The following NTNG1 variants were observed in gnomAD, a reference collection of about 807,000 sequenced individuals.
The protein encoded by NTNG1 is netrin G1, also known as netrin-G1.
NTNG1 carries 16 observed loss-of-function variants against 54.0 expected under a neutral mutation model. The observed-to-expected ratio is 0.30, with a 90% confidence interval of 0.20 to 0.45. The LOEUF is 0.45. Among genes scored for constraint, NTNG1 ranks in the 20% least tolerant of loss-of-function variants. The pLI is 1.00. For missense variants in NTNG1, 530 were observed against 678.7 expected (o/e 0.78, Z 2.43); for synonymous variants, 255 against 263.1 (o/e 0.97, Z 0.30).
intron 7 of NTNG1, among the ~76,000 whole-genome samples, chr1:107,467,491 C>A (rs1001094543): frequency 2.0e-5 from 3 of 152,174 alleles, no homozygotes; most frequent in Non-Finnish European, 4.4e-5. Context: ...AATGACCTCT[C>A]ATGTTCACAA....
At chr1:107,221,606 T>A (rs994700292) in intron 2 of NTNG1, among the ~76,000 whole-genome samples, 11 of 152,156 alleles carry the variant, frequency 7.2e-5, no homozygotes, top group Admixed American at 2.0e-4. Context: ...ATGTACAGTG[T>A]ATAATTTCTT....
chr1:107,455,422 A>G (rs1392286718), intron 7 of NTNG1, among the ~76,000 whole-genome samples: 2 of 152,254 alleles, frequency 1.3e-5, no homozygotes, highest in Non-Finnish European at 2.9e-5. Context: ...CAGTAGCCTA[A>G]TGTGGTGCTC....
rs79058478 is a variant in NTNG1 at position 107,332,215 on chromosome 1, A to G, written c.887+7293A>G. ...TTATAAGGAGAGAATGTATCTAATA[A>G]TTCCTCCATTTAAATTATGAAATTC... On this transcript the variant is annotated intron_variant, in intron 3 of 7. Coordinates refer to ENST00000370068, the MANE Select transcript of NTNG1 (RefSeq NM_001113226.3). Among the ~76,000 whole-genome samples the G allele has an allele frequency of 7.0e-3, 1,066 of 152,178 alleles. 14 individuals are homozygous for G. Among genetic ancestry groups the G allele is most frequent in the African/African-American group, 0.024 (999 of 41,542 alleles).
At chr1:107,276,583 G>A (rs993359277) in intron 2 of NTNG1, among the ~76,000 whole-genome samples, 4 of 152,114 alleles carry the variant, frequency 2.6e-5, no homozygotes, top group Non-Finnish European at 5.9e-5. Flanking sequence ...ATAACACTGG[G>A]TATCTACTTC....
upstream of NTNG1, among the ~76,000 whole-genome samples, chr1:107,140,440 T>G (rs943424679): frequency 6.0e-5 from 9 of 149,542 alleles, no homozygotes; most frequent in Non-Finnish European, 1.2e-4. Context: ...GGGCGGGGAG[T>G]CCGGGAGCCG....
rs1029920187 is a variant in NTNG1 at position 107,416,953 on chromosome 1, C to T, written c.1087+9245C>T. Among the ~76,000 whole-genome samples, 4 of 152,042 alleles carry T rather than the reference C, an allele frequency of 2.6e-5. No homozygotes were observed. In the South Asian group the frequency reaches 8.3e-4, roughly 31 times the overall value. ...TAAAACCACACCAATACTTTGAAAG[C>T]TTTATTAAATAAAACAATTTCTGGG... On this transcript the variant is annotated intron_variant, in intron 5 of 7. Coordinates refer to ENST00000370068, the MANE Select transcript of NTNG1 (RefSeq NM_001113226.3).
intron 2 of NTNG1, among the ~76,000 whole-genome samples, chr1:107,255,808 C>T (rs1209459852): frequency 6.6e-6 from 1 of 152,126 alleles, no homozygotes; most frequent in Non-Finnish European, 1.5e-5. Context: ...AAAATGAGCC[C>T]TGTTTTTCAT....
In NTNG1 at chr1:107,462,287, A is replaced by G. The variant is rs141356244; in HGVS notation, c.1391-18324A>G. Among the ~76,000 whole-genome samples, 45 of 152,306 alleles carry G rather than the reference A, an allele frequency of 3.0e-4. No homozygotes were observed. The East Asian group carries it at 8.1e-3, about 27-fold the overall frequency. On this transcript the variant is annotated intron_variant, in intron 7 of 7. Transcript: ENST00000370068. Reference sequence around the variant, plus strand: ...TATAGACCTCGAACAGAACATAATGATCAGGAAAAATAGCAAAGTAATTAA... The same window carrying G: ...TATAGACCTCGAACAGAACATAATGGTCAGGAAAAATAGCAAAGTAATTAA...
In NTNG1 at chr1:107,209,662, G is replaced by T. The variant is rs377653045; in HGVS notation, c.246+60823G>T. 7.2e-5 allele frequency among the ~76,000 whole-genome samples: 11 copies of T among 152,270 alleles called. No individual in the cohort carries two copies. In the East Asian group the frequency reaches 1.9e-3, roughly 27 times the overall value. On this transcript the variant is annotated intron_variant, in intron 2 of 7. Transcript: ENST00000370068. ...ATGACCTTAGTTGGGCCAATTGAAG[G>T]TATTCCCCTAGAATTTTCCTAAGAA...
chr1:107,365,410 C>A (rs1670534679), intron 3 of NTNG1, among the ~76,000 whole-genome samples: 1 of 152,106 alleles, frequency 6.6e-6, no homozygotes. Context: ...TCTTTCTTGG[C>A]ACTCCAGGGC....
chr1:107,378,288 A>T (rs955017103), intron 3 of NTNG1, among the ~76,000 whole-genome samples: 3 of 152,178 alleles, frequency 2.0e-5, no homozygotes, highest in Non-Finnish European at 2.9e-5. Context: ...ACCCTTGAGG[A>T]TGTTTCTGAT....
intron 2 of NTNG1, among the ~76,000 whole-genome samples, chr1:107,239,125 A>T (rs1206821855): frequency 6.6e-6 from 1 of 152,182 alleles, no homozygotes; most frequent in East Asian, 1.9e-4. Flanking sequence ...AGGATTGTGA[A>T]GGAAAAGTAT....
intron 3 of NTNG1, among the ~76,000 whole-genome samples, chr1:107,334,475 A>G (rs1668463795): frequency 6.6e-6 from 1 of 150,634 alleles, no homozygotes; most frequent in African/African-American, 2.4e-5. Context: ...CCAAGAGATG[A>G]TGGGTGGGGG....
intron 2 of NTNG1, among the ~76,000 whole-genome samples, chr1:107,304,406 C>CACATTT (rs1275806584): frequency 6.6e-6 from 1 of 152,088 alleles, no homozygotes; most frequent in Non-Finnish European, 1.5e-5. Context: ...TTGGTGTTTT[C>CACATTT]ACATTTATGG....
chr1:107,481,686 G>A lies in NTNG1; in HGVS notation c.*846G>A, dbSNP rs1678724468. Reference sequence around the variant, plus strand: ...ATTTTGTCCTCTTTCGTTCTGTTTTGTTTCACTGTGCAGAGATTTCTCTGT... The same window carrying A: ...ATTTTGTCCTCTTTCGTTCTGTTTTATTTCACTGTGCAGAGATTTCTCTGT... On this transcript the variant is annotated 3_prime_UTR_variant, in exon 8 of 8. Transcript: ENST00000370068. The A allele has an allele frequency of 6.6e-6, 1 of 152,476 alleles. No individual in the cohort carries two copies. The highest frequency in any genetic ancestry group is 2.1e-4 in the South Asian group (1 of 4,822). 9.4% of individuals were successfully genotyped at this position (152,476 alleles called of 1,614,324 possible).
chr1:107,148,694 A>G lies in NTNG1; in HGVS notation c.101A>G (p.Lys34Arg). ...PLVWGHYDLC[K>R]TQIYTEEGKV... ...GTTTGGGGACATTATGATTTGTGTAAGACTCAGATTTACACGGAAGAAGGG... is the reference window on the plus strand; with the variant it reads ...GTTTGGGGACATTATGATTTGTGTAGGACTCAGATTTACACGGAAGAAGGG... Residue 34 changes from lysine (K) to arginine (R), a missense_variant, in exon 2 of 8, where the codon AAG (lysine) becomes AGG (arginine). This residue lies in a region of NTNG1 where 318 missense variants were observed against 465.1 expected (regional missense o/e 0.68). Coordinates refer to ENST00000370068, the MANE Select transcript of NTNG1 (RefSeq NM_001113226.3). 2 of 1,613,726 alleles carry G rather than the reference A, an allele frequency of 1.2e-6. No homozygotes were observed. The highest frequency in any genetic ancestry group is 1.7e-6 in the Non-Finnish European group (2 of 1,179,744).
At chr1:107,433,104 T>C (rs1675375237) in intron 6 of NTNG1, among the ~76,000 whole-genome samples, 1 of 152,222 alleles carries the variant, frequency 6.6e-6, no homozygotes, top group African/African-American at 2.4e-5. Flanking sequence ...CCTCTCCATT[T>C]CTAGAAAGTT....
intron 2 of NTNG1, among the ~76,000 whole-genome samples, chr1:107,262,708 A>G (rs1663438426): frequency 6.6e-6 from 1 of 152,242 alleles, no homozygotes; most frequent in Admixed American, 6.5e-5. Flanking sequence ...AATGGTATTC[A>G]TCTTTTCTGT....
chr1:107,396,100 C>T lies in NTNG1; in HGVS notation c.1060+774C>T, dbSNP rs754527491. Reference sequence around the variant, plus strand: ...AATTTGCCCAATTCCATGGATGGACCAATTAACTACCTGCAACAGCCCAAG... The same window carrying T: ...AATTTGCCCAATTCCATGGATGGACTAATTAACTACCTGCAACAGCCCAAG... On this transcript the variant is annotated intron_variant, in intron 4 of 7. Transcript: ENST00000370068. Among the ~76,000 whole-genome samples, 5 of 152,204 alleles carry T rather than the reference C, an allele frequency of 3.3e-5. No homozygotes were observed. The South Asian group carries it at 1.0e-3, about 32-fold the overall frequency.
Sources: allele counts gnomAD v4.1 joint callset (sites outside exome capture counted in the v4.1 genomes callset), GRCh38; gene constraint gnomAD v4.1.1; regional missense constraint gnomAD v4.1.1; transcripts MANE v1.5; gene names NCBI Gene and HGNC (gene_info 2026-07-23, HGNC 2026-07-21).